CLCN3: variants seen among roughly 807,000 people sequenced by gnomAD.
CLCN3 encodes the protein H(+)/Cl(-) exchange transporter 3.
In CLCN3, 16 loss-of-function variants were observed where a neutral mutation model predicts 83.4. The ratio of observed to expected loss-of-function variants is 0.19; its 90% CI spans 0.13 to 0.29. The LOEUF is 0.29. Among genes scored for constraint, CLCN3 ranks in the 10% least tolerant of loss-of-function variants. CLCN3 has a pLI of 1.00. For missense variants in CLCN3, 544 were observed against 1,006.0 expected, an observed-to-expected ratio of 0.54 and a Z score of 6.21; for synonymous variants, 322 against 346.2, an observed-to-expected ratio of 0.93 and a Z score of 0.78.
In CLCN3 at chr4:169,621,023, A is replaced by C; in HGVS notation, c.-57A>C. The C allele has an allele frequency of 7.5e-6, 3 of 397,788 alleles. No homozygotes were observed. The highest frequency in any genetic ancestry group is 1.3e-5 in the Non-Finnish European group (3 of 225,972). 24.6% of individuals were successfully genotyped at this position (397,788 alleles called of 1,614,324 possible). A position where few individuals can be genotyped will look rare whatever the true frequency, so the allele number is the denominator to read the frequency against. Reference sequence around the variant, plus strand: ...CAGATGCAGAATCCAAAGGCAGCGCAAAAAACAGCCACCGATTTTGCTATG... The same window carrying C: ...CAGATGCAGAATCCAAAGGCAGCGCCAAAAACAGCCACCGATTTTGCTATG... On this transcript the variant is annotated 5_prime_UTR_variant, in exon 1 of 13. Coordinates refer to ENST00000513761, the MANE Select transcript of CLCN3 (RefSeq NM_001829.4).
chr4:169,698,795 C>T (rs1732666730), intron 9 of CLCN3, among the ~76,000 whole-genome samples: 1 of 152,136 alleles, frequency 6.6e-6, no homozygotes, highest in South Asian at 2.1e-4. Flanking sequence ...TTAAGGTGTT[C>T]GTAGGGCATT....
At chr4:169,648,353 A>G (rs1340964611) in intron 2 of CLCN3, among the ~76,000 whole-genome samples, 1 of 152,236 alleles carries the variant, frequency 6.6e-6, no homozygotes, top group Non-Finnish European at 1.5e-5. Context: ...TAAATCTAAA[A>G]TTATTCCAAA....
In CLCN3 at chr4:169,707,056, G is replaced by T. The variant is rs1189153280; in HGVS notation, c.1939G>T (p.Glu647Ter). 6.2e-7 allele frequency: 1 copy of T among 1,614,116 alleles called. No individual in the cohort carries two copies. The highest frequency in any genetic ancestry group is 8.5e-7 in the Non-Finnish European group (1 of 1,180,014). ...NGYPFLDAKE[E>*]FTHTTLAADV... ...ATACCCTTTCTTGGATGCAAAAGAA[G>T]AATTCACTCATACCACCCTGGCTGC... The change falls in exon 11 of 13, where the codon GAA becomes TAA. Residue 647 changes from glutamate (E) to a stop codon, truncating the protein, a stop_gained. Transcript: ENST00000513761. LOFTEE classifies it high-confidence loss of function.
chr4:169,641,043 T>C (rs147629532), intron 2 of CLCN3, among the ~76,000 whole-genome samples: 9 of 152,238 alleles, frequency 5.9e-5, no homozygotes, highest in African/African-American at 1.9e-4. Context: ...GAGTAAGAGT[T>C]GAGAGGGCTC....
At chr4:169,680,275 G>A (rs1324038359) in intron 3 of CLCN3, 68 bp downstream of exon 3, 6 of 1,110,764 alleles carry the variant, frequency 5.4e-6, no homozygotes, top group African/African-American at 4.8e-5. Context: ...ATATATTTCT[G>A]CCAATGATCT....
At position 169,707,283 on chromosome 4, in the gene CLCN3, A is replaced by T. The variant is rs1733030910; in HGVS notation, c.2149+17A>T. 1 of 1,532,898 alleles carries T rather than the reference A, an allele frequency of 6.5e-7. No individual in the cohort carries two copies. Among genetic ancestry groups the T allele is most frequent in the Non-Finnish European group, 8.8e-7 (1 of 1,133,634 alleles). The allele number at this position is 1,532,898 out of a possible 1,614,324, so 95.0% of individuals were successfully genotyped here. ...TTGCAATAGGTACCCTTTCAAAAATATATATATGTATATATGAGATGGATT... is the reference window on the plus strand; with the variant it reads ...TTGCAATAGGTACCCTTTCAAAAATTTATATATGTATATATGAGATGGATT... On this transcript the variant is annotated intron_variant, in intron 11 of 12. Transcript: ENST00000513761.
intron 11 of CLCN3, among the ~76,000 whole-genome samples, chr4:169,708,176 T>C (rs538223699): frequency 2.6e-5 from 4 of 152,332 alleles, no homozygotes; most frequent in Admixed American, 1.3e-4. Context: ...AGCTTACCTC[T>C]GTGGCCATTG....
rs562969399 is a variant in CLCN3 at position 169,620,589 on chromosome 4, C to A, written c.-491C>A. 6 of 396,278 alleles carry A rather than the reference C, an allele frequency of 1.5e-5. No homozygotes were observed. Among genetic ancestry groups the A allele is most frequent in the Admixed American group, 4.4e-5 (1 of 22,694 alleles). 24.5% of individuals were successfully genotyped at this position (396,278 alleles called of 1,614,324 possible). Reference sequence around the variant, plus strand: ...GACTCCTGCCGCTTCTCTTCCCCTTCCGTGGGTCAGGGCCGGTCCGGTCCG... The same window carrying A: ...GACTCCTGCCGCTTCTCTTCCCCTTACGTGGGTCAGGGCCGGTCCGGTCCG... On this transcript the variant is annotated 5_prime_UTR_variant, in exon 1 of 13. Transcript: ENST00000513761.
At chr4:169,648,963 G>A (rs1298902523) in intron 2 of CLCN3, among the ~76,000 whole-genome samples, 1 of 151,792 alleles carries the variant, frequency 6.6e-6, no homozygotes, top group East Asian at 1.9e-4. Context: ...GGAGGCAGAG[G>A]TTGCAGTAAG....
chr4:169,707,966 G>A (rs1733057308), intron 11 of CLCN3, among the ~76,000 whole-genome samples: 1 of 152,136 alleles, frequency 6.6e-6, no homozygotes, highest in African/African-American at 2.4e-5. Context: ...CCGCAGTATT[G>A]ATGAGGAGAC....
Position 169,687,775 on chromosome 4 carries a change from A to G in CLCN3, c.418+18A>G, listed in dbSNP as rs1326424495. 12 of 1,430,476 alleles carry G rather than the reference A, an allele frequency of 8.4e-6. No homozygotes were observed. Among genetic ancestry groups the G allele is most frequent in the African/African-American group, 2.9e-5 (2 of 69,336 alleles). 88.6% of individuals were successfully genotyped at this position (1,430,476 alleles called of 1,614,324 possible). Reference sequence around the variant, plus strand: ...GGCATCAGGTAAAGAAAATTTTTCAAGCAATCCTTTTTTAGTTAACAGAAG... The same window carrying G: ...GGCATCAGGTAAAGAAAATTTTTCAGGCAATCCTTTTTTAGTTAACAGAAG... On this transcript the variant is annotated intron_variant, in intron 4 of 12. Transcript: ENST00000513761.
intron 1 of CLCN3, among the ~76,000 whole-genome samples, chr4:169,629,102 C>G (rs955203562): frequency 2.0e-5 from 3 of 152,118 alleles, no homozygotes; most frequent in Admixed American, 2.0e-4. Context: ...AGAAAACAGA[C>G]TATGGGTTGC....
In CLCN3 at chr4:169,703,088, T is replaced by C. The variant is rs542178994; in HGVS notation, c.1564-910T>C. Reference sequence around the variant, plus strand: ...ATGGTTCATGGTGCAGTAAAACAACTGTAACAGGAACATCAAAGATCATTA... The same window carrying C: ...ATGGTTCATGGTGCAGTAAAACAACCGTAACAGGAACATCAAAGATCATTA... On this transcript the variant is annotated intron_variant, in intron 9 of 12. Coordinates refer to ENST00000513761, the MANE Select transcript of CLCN3 (RefSeq NM_001829.4). 9.2e-5 allele frequency among the ~76,000 whole-genome samples: 14 copies of C among 152,290 alleles called. No homozygotes were observed. In the South Asian group the frequency reaches 2.7e-3, roughly 29 times the overall value.
intron 2 of CLCN3, among the ~76,000 whole-genome samples, chr4:169,653,173 C>G (rs1730775278): frequency 1.3e-5 from 2 of 151,908 alleles, no homozygotes; most frequent in East Asian, 3.9e-4. Flanking sequence ...AGACATTTTT[C>G]TATATTATTT....
At chr4:169,649,957 C>T (rs368107005) in intron 2 of CLCN3, among the ~76,000 whole-genome samples, 21 of 152,014 alleles carry the variant, frequency 1.4e-4, no homozygotes, top group Admixed American at 7.9e-4. Context: ...TGGTGGTGCA[C>T]GACTGTAGTC....
chr4:169,678,486 T>C (rs1560852456), intron 2 of CLCN3, among the ~76,000 whole-genome samples: 1 of 152,168 alleles, frequency 6.6e-6, no homozygotes, highest in African/African-American at 2.4e-5. Flanking sequence ...GGCAGGGTCA[T>C]AGGACAATAG....
chr4:169,630,292 C>T (rs1051805928), intron 1 of CLCN3, among the ~76,000 whole-genome samples: 14 of 152,092 alleles, frequency 9.2e-5, no homozygotes, highest in South Asian at 4.1e-4. Flanking sequence ...CTACATTGCC[C>T]GCGCTGGTAG....
intron 2 of CLCN3, among the ~76,000 whole-genome samples, chr4:169,675,021 C>T (rs114927175): frequency 0.01 from 1,583 of 152,274 alleles, 29 homozygotes; most frequent in African/African-American, 0.036. Context: ...GGATTACAGG[C>T]GTGGGCCACC....
chr4:169,675,165 G>A (rs569363675), intron 2 of CLCN3, among the ~76,000 whole-genome samples: 1 of 152,314 alleles, frequency 6.6e-6, no homozygotes, highest in East Asian at 1.9e-4. Flanking sequence ...CTATATTCAT[G>A]TCCTCCCAGA....
Sources: gnomAD v4.1 joint callset for allele counts (sites outside exome capture counted in the v4.1 genomes callset) on GRCh38, gnomAD v4.1.1 for gene constraint, MANE v1.5 for transcripts, NCBI Gene and HGNC (gene_info 2026-07-23, HGNC 2026-07-21) for gene names.